ERICH5: variants seen among roughly 807,000 people sequenced by gnomAD.
The protein encoded by ERICH5 is glutamate rich 5.
ERICH5 carries 24 observed loss-of-function variants against 28.0 expected under a neutral mutation model. The observed-to-expected ratio is 0.86, with a 90% CI of 0.62 to 1.21. The LOEUF is 1.21. Ranked by LOEUF, ERICH5 falls within the 50% of genes most tolerant of loss-of-function variation. The pLI is 0.00. For synonymous variants in ERICH5, 163 were observed against 157.6 expected, an observed-to-expected ratio of 1.03 and a Z score of -0.25; for missense variants, 421 against 441.2, an observed-to-expected ratio of 0.95 and a Z score of 0.41.
intron 1 of ERICH5, among the ~76,000 whole-genome samples, chr8:98,072,247 C>T (rs918384315): frequency 6.6e-6 from 1 of 152,218 alleles, no homozygotes; most frequent in Non-Finnish European, 1.5e-5. Flanking sequence ...GGGATCCTGA[C>T]AGCCTGAGCC....
chr8:98,084,051 TA>T (rs1298864770), intron 1 of ERICH5, among the ~76,000 whole-genome samples: 2 of 125,964 alleles, frequency 1.6e-5, no homozygotes, highest in Non-Finnish European at 3.5e-5. Context: ...CAGCTAATTT[TA>T]ATTTTTTTTT....
chr8:98,070,678 A>G (rs866129281), intron 1 of ERICH5, among the ~76,000 whole-genome samples: 2,476 of 142,814 alleles, frequency 0.017, 78 homozygotes, highest in African/African-American at 0.063. Context: ...AAAAAAAAAA[A>G]AAAAGAAAAG....
intron 1 of ERICH5, among the ~76,000 whole-genome samples, chr8:98,069,462 G>A (rs181887785): frequency 1.3e-5 from 2 of 151,662 alleles, no homozygotes; most frequent in Non-Finnish European, 2.9e-5. Context: ...TTTATAAAAT[G>A]TAGTGTACTA....
rs564168456 is a variant in ERICH5 at position 98,085,625 on chromosome 8, A to G, written c.59-3451A>G. Among the ~76,000 whole-genome samples the G allele has an allele frequency of 1.1e-4, 16 of 152,300 alleles. 2 individuals are homozygous for G. The highest frequency in any genetic ancestry group is 3.6e-4 in the African/African-American group (15 of 41,570). On this transcript the variant is annotated intron_variant, in intron 1 of 2. Transcript: ENST00000318528. ...TACCTATAAGTTAAATGGCTGAGCT[A>G]TATGGTGCATGTATATTTATTTAAC...
intron 1 of ERICH5, among the ~76,000 whole-genome samples, chr8:98,080,325 A>C (rs965363774): frequency 1.3e-5 from 2 of 152,236 alleles, no homozygotes; most frequent in Non-Finnish European, 2.9e-5. Flanking sequence ...ACAGGTAAGT[A>C]AATGGTGGAG....
chr8:98,068,519 A>G (rs555308382), intron 1 of ERICH5, among the ~76,000 whole-genome samples: 1 of 152,280 alleles, frequency 6.6e-6, no homozygotes, highest in Non-Finnish European at 1.5e-5. Context: ...GTGTTTTTGG[A>G]AGCAAGTTTT....
chr8:98,073,403 C>A (rs113578056), intron 1 of ERICH5, among the ~76,000 whole-genome samples: 6 of 26,836 alleles, frequency 2.2e-4, no homozygotes, highest in South Asian at 2.5e-3. Flanking sequence ...ATAGTGAGAC[C>A]CTCTCTCTCT....
chr8:98,073,287 A>C (rs956439780), intron 1 of ERICH5, among the ~76,000 whole-genome samples: 2 of 150,154 alleles, frequency 1.3e-5, no homozygotes, highest in Non-Finnish European at 3.0e-5. Flanking sequence ...CTGAGAATAT[A>C]GTCTGGGCCA....
At chr8:98,077,002 C>T (rs946861617) in intron 1 of ERICH5, among the ~76,000 whole-genome samples, 2 of 152,056 alleles carry the variant, frequency 1.3e-5, no homozygotes, top group African/African-American at 4.8e-5. Context: ...GTGGCTCATG[C>T]CTGTAATCCC....
intron 1 of ERICH5, among the ~76,000 whole-genome samples, chr8:98,085,390 C>G (rs1216015409): frequency 1.3e-5 from 2 of 151,968 alleles, no homozygotes; most frequent in East Asian, 3.9e-4. Flanking sequence ...GTCTCGATAT[C>G]CTGACCTCGT....
chr8:98,085,597 A>G (rs531355980), intron 1 of ERICH5, among the ~76,000 whole-genome samples: 2 of 152,320 alleles, frequency 1.3e-5, no homozygotes, highest in East Asian at 3.9e-4. Context: ...TCTCTTGGGA[A>G]AATACCTATA....
At chr8:98,067,253 AGTAAGACCCT>A in intron 1 of ERICH5, among the ~76,000 whole-genome samples, 1 of 151,966 alleles carries the variant, frequency 6.6e-6, no homozygotes, top group East Asian at 1.9e-4. Flanking sequence ...TGGGAAACAT[AGTAAGACCCT>A]GTATCTAAAA....
At position 98,091,928 on chromosome 8, in the gene ERICH5, T is replaced by C. The variant is rs1392897898; in HGVS notation, c.1013-1293T>C. Among the ~76,000 whole-genome samples, 418 of 68,806 alleles carry C rather than the reference T, an allele frequency of 6.1e-3. 16 individuals carry two copies. The highest frequency in any genetic ancestry group is 0.021 in the African/African-American group (390 of 18,152). 45.1% of individuals were successfully genotyped at this position (68,806 alleles called of 152,430 possible). A position where few individuals can be genotyped will look rare whatever the true frequency, so the allele number is the denominator to read the frequency against. On this transcript the variant is annotated intron_variant, in intron 2 of 2. Coordinates refer to ENST00000318528, the MANE Select transcript of ERICH5 (RefSeq NM_173549.3). The stretch of plus-strand genomic sequence containing the variant: ...TTCTTTCTTTCTTTCTTCCTTTCTT[T>C]CTTTCTTCCTTTCTTTCTTTCTTCT...
chr8:98,073,524 A>C (rs1320567614), intron 1 of ERICH5, among the ~76,000 whole-genome samples: 555 of 10,550 alleles, frequency 0.053, 138 homozygotes, highest in African/African-American at 0.14. Context: ...ATGTATATAT[A>C]TATATATATA....
chr8:98,078,416 C>T (rs1359072363), intron 1 of ERICH5, among the ~76,000 whole-genome samples: 1 of 152,128 alleles, frequency 6.6e-6, no homozygotes, highest in African/African-American at 2.4e-5. Flanking sequence ...CACCAGGACC[C>T]CCTTCCTTAC....
At chr8:98,080,517 T>C (rs2130522653) in intron 1 of ERICH5, among the ~76,000 whole-genome samples, 1 of 152,334 alleles carries the variant, frequency 6.6e-6, no homozygotes, top group African/African-American at 2.4e-5. Context: ...GACTTTATTG[T>C]GTTCTCTGAG....
chr8:98,066,208 T>A (rs569965082), intron 1 of ERICH5, among the ~76,000 whole-genome samples: 4 of 152,234 alleles, frequency 2.6e-5, no homozygotes. Context: ...TGTTTTATGT[T>A]ATGAAATTAA....
At chr8:98,091,973 T>TCC (rs1563759768) in intron 2 of ERICH5, among the ~76,000 whole-genome samples, 16 of 131,280 alleles carry the variant, frequency 1.2e-4, no homozygotes, top group African/African-American at 4.3e-4. Context: ...TTTTCTTTCT[T>TCC]TTTCTTCTCT....
In ERICH5 at chr8:98,081,119, T is replaced by C. The variant is rs1051962195; in HGVS notation, c.59-7957T>C. Among the ~76,000 whole-genome samples the C allele has an allele frequency of 5.9e-5, 9 of 151,944 alleles. No homozygotes were observed. In the East Asian group the frequency reaches 1.7e-3, roughly 29 times the overall value. ...CTCTCTCTCTCTCTTTTTTTCTTTT[T>C]TCTTGAAACAGGGTCTTGCTCTGTC... On this transcript the variant is annotated intron_variant, in intron 1 of 2. Coordinates refer to ENST00000318528, the MANE Select transcript of ERICH5 (RefSeq NM_173549.3).
Sources: allele counts gnomAD v4.1 joint callset (sites outside exome capture counted in the v4.1 genomes callset), GRCh38; gene constraint gnomAD v4.1.1; transcripts MANE v1.5; gene names NCBI Gene and HGNC (gene_info 2026-07-23, HGNC 2026-07-21).